Variants in GIGYF2 observed in about 807,000 individuals in gnomAD.
GIGYF2 encodes GRB10 interacting GYF protein 2.
GIGYF2 carries 25 observed loss-of-function variants against 208.1 expected under a neutral mutation model. The observed-to-expected ratio is 0.12, with a 90% CI of 0.09 to 0.17. The LOEUF (loss-of-function observed/expected upper bound fraction) is 0.17, where lower values mean the gene tolerates loss of function less well. GIGYF2 is among the 10% of genes least tolerant of loss of function. The pLI, the probability that GIGYF2 is intolerant of heterozygous loss-of-function variation, is 1.00. For missense variants in GIGYF2, 1,302 were observed against 1,579.4 expected, an observed-to-expected ratio of 0.82 and a Z score of 2.98; for synonymous variants, 534 against 543.8, an observed-to-expected ratio of 0.98 and a Z score of 0.25.
At chr2:232,850,777 G>A (rs13024330) in intron 28 of GIGYF2, among the ~76,000 whole-genome samples, 42,430 of 152,096 alleles carry the variant, frequency 0.28, 6,663 homozygotes, top group Non-Finnish European at 0.36. Flanking sequence ...TGTATTGAAA[G>A]CAGACCATTA....
Position 232,816,878 on chromosome 2 carries a change from A to G in GIGYF2, c.2216A>G (p.Gln739Arg). ...ACTCTTGTGTAATCACAGCTAGAGC[A>G]AGAGAGAAGAGAGGCAGAAATGAGG... ...LEKAKAAKLE[Q>R]ERREAEMRAK... The change falls in exon 20 of 29, where the codon CAA becomes CGA. Residue 739 changes from glutamine (Q) to arginine (R), a missense_variant. Physicochemically the swap from Gln to Arg is conservative, Grantham distance 43. Around this residue, in one of 8 missense-constraint regions of GIGYF2, gnomAD observed 701 missense variants for 793.0 expected, o/e 0.88. Coordinates refer to ENST00000373563, the MANE Select transcript of GIGYF2 (RefSeq NM_001103146.3). 6.2e-7 allele frequency: 1 copy of G among 1,612,544 alleles called. No individual in the cohort carries two copies. Among genetic ancestry groups the G allele is most frequent in the Non-Finnish European group, 8.5e-7 (1 of 1,178,552 alleles).
rs191869628 is a variant in GIGYF2, at chr2:232,818,857, G to A, written c.2371-970G>A. Among the ~76,000 whole-genome samples the A allele has an allele frequency of 1.1e-3, 171 of 152,182 alleles. 1 individual carries two copies. The highest frequency in any genetic ancestry group is 3.9e-3 in the African/African-American group (164 of 41,536). On this transcript the variant is annotated intron_variant, in intron 20 of 28. Transcript: ENST00000373563. Reference sequence around the variant, plus strand: ...ACCAATTCCCTATTGTTGGACATGAGGGTTGTTTCCAGTTCTTCATTGTTA... The same window carrying A: ...ACCAATTCCCTATTGTTGGACATGAAGGTTGTTTCCAGTTCTTCATTGTTA...
At chr2:232,744,040 C>G (rs1698061267) in intron 3 of GIGYF2, among the ~76,000 whole-genome samples, 1 of 151,956 alleles carries the variant, frequency 6.6e-6, no homozygotes, top group Non-Finnish European at 1.5e-5. Flanking sequence ...GAGACAGGAT[C>G]TCACTGTGTT....
intron 8 of GIGYF2, among the ~76,000 whole-genome samples, chr2:232,773,711 A>T (rs1699379359): frequency 6.6e-6 from 1 of 152,088 alleles, no homozygotes; most frequent in African/African-American, 2.4e-5. Flanking sequence ...ATGTGCCAGG[A>T]ATCATACCAA....
chr2:232,772,053 T>C (rs893608451), intron 8 of GIGYF2, among the ~76,000 whole-genome samples: 1 of 152,172 alleles, frequency 6.6e-6, no homozygotes, highest in African/African-American at 2.4e-5. Context: ...GGCACAATCA[T>C]AGCTCACTGC....
intron 2 of GIGYF2, among the ~76,000 whole-genome samples, chr2:232,716,630 G>A (rs2880899): frequency 0.079 from 11,951 of 151,876 alleles, 599 homozygotes; most frequent in East Asian, 0.18. Flanking sequence ...GTGATCTGCC[G>A]CCTTGGCCTC....
rs193239464 is a variant in GIGYF2 at position 232,727,015 on chromosome 2, A to C, written c.-43-8140A>C. On this transcript the variant is annotated intron_variant, in intron 2 of 28. Coordinates refer to ENST00000373563, the MANE Select transcript of GIGYF2 (RefSeq NM_001103146.3). ...AGTCTTGCTCTGTTGCCCAGGCTGG[A>C]GTGCAGTGGCACGATGTCAGCTCAC... Among the ~76,000 whole-genome samples the C allele has an allele frequency of 2.4e-3, 370 of 152,268 alleles. 1 individual carries two copies. The highest frequency in any genetic ancestry group is 3.4e-3 in the Middle Eastern group (1 of 294).
intron 6 of GIGYF2, among the ~76,000 whole-genome samples, chr2:232,758,665 T>C (rs112778774): frequency 1.3e-5 from 2 of 152,280 alleles, no homozygotes; most frequent in African/African-American, 4.8e-5. Flanking sequence ...GTGCTAGTTA[T>C]AACTGAGAAA....
intron 3 of GIGYF2, among the ~76,000 whole-genome samples, chr2:232,738,900 G>C (rs1179101774): frequency 6.6e-6 from 1 of 152,172 alleles, no homozygotes; most frequent in Admixed American, 6.5e-5. Flanking sequence ...CATCTCCTGT[G>C]TGTTTGCTCT....
intron 8 of GIGYF2, among the ~76,000 whole-genome samples, chr2:232,778,813 A>G (rs148649201): frequency 6.6e-6 from 1 of 152,302 alleles, no homozygotes; most frequent in East Asian, 1.9e-4. Context: ...TATGATGAAC[A>G]AAAGTTGTCT....
chr2:232,852,938 G>A (rs898534111), intron 28 of GIGYF2, among the ~76,000 whole-genome samples: 1 of 152,160 alleles, frequency 6.6e-6, no homozygotes, highest in African/African-American at 2.4e-5. Context: ...CTATAAGGGT[G>A]TGGGAGATAG....
At chr2:232,748,767 A>G (rs1434276037) in intron 4 of GIGYF2, among the ~76,000 whole-genome samples, 3 of 152,218 alleles carry the variant, frequency 2.0e-5, no homozygotes, top group East Asian at 1.9e-4. Flanking sequence ...AAAAGTGGCA[A>G]TCACTTGAGA....
At chr2:232,721,795 T>C (rs1183700925) in intron 2 of GIGYF2, among the ~76,000 whole-genome samples, 1 of 152,244 alleles carries the variant, frequency 6.6e-6, no homozygotes, top group East Asian at 1.9e-4. Context: ...TTGTTTTTTC[T>C]ATTTTTGTCT....
At chr2:232,773,683 A>T (rs1699377500) in intron 8 of GIGYF2, among the ~76,000 whole-genome samples, 1 of 152,036 alleles carries the variant, frequency 6.6e-6, no homozygotes, top group Non-Finnish European at 1.5e-5. Context: ...ATATTAGCTA[A>T]TATATATATT....
At chr2:232,727,903 C>T (rs72617179) in intron 2 of GIGYF2, among the ~76,000 whole-genome samples, 5,011 of 152,256 alleles carry the variant, frequency 0.033, 236 homozygotes, top group East Asian at 0.23. Flanking sequence ...TATCTGTCTC[C>T]CCAAATTCGT....
rs1390123300 is a variant in GIGYF2, at chr2:232,760,543, G to T, written c.443G>T (p.Gly148Val). The change falls in exon 7 of 29, where the codon GGT becomes GTT. Residue 148 changes from glycine to valine, a missense_variant. Coordinates refer to ENST00000373563, the MANE Select transcript of GIGYF2 (RefSeq NM_001103146.3). ...RSFDEVEGVF[G>V]RGGGREMHRS... ...TTTGATGAAGTAGAGGGTGTTTTTG[G>T]TCGAGGAGGTGGCAGAGAAATGCAT... is the stretch of plus-strand genomic sequence containing the variant. 6.2e-7 allele frequency: 1 copy of T among 1,613,620 alleles called. No individual in the cohort carries two copies. The highest frequency in any genetic ancestry group is 1.3e-5 in the African/African-American group (1 of 74,946).
chr2:232,798,098 C>T (rs1700282720), intron 14 of GIGYF2, among the ~76,000 whole-genome samples: 1 of 151,826 alleles, frequency 6.6e-6, no homozygotes. Context: ...CCTTTGTTAA[C>T]CTCTAGCAAT....
Position 232,819,960 on chromosome 2 carries a change from A to C in GIGYF2, c.2504A>C (p.Lys835Thr). Residue 835 changes from lysine (K) to threonine (T), a missense_variant, in exon 21 of 29, where the codon AAG becomes ACG. Around this residue, in one of 8 missense-constraint regions of GIGYF2, gnomAD observed 701 missense variants for 793.0 expected, o/e 0.88. Coordinates refer to ENST00000373563, the MANE Select transcript of GIGYF2 (RefSeq NM_001103146.3). ...AGAAGAGAAGAGGAAGAAAGGCGGA[A>C]GCAGGAAGAATTGTTACGCAAACAG... ...ERRREEEERRKQEELLRKQEE... is the reference protein window; with the variant it reads ...ERRREEEERRTQEELLRKQEE... The C allele has an allele frequency of 1.9e-6, 3 of 1,610,954 alleles. No homozygotes were observed. Among genetic ancestry groups the C allele is most frequent in the Non-Finnish European group, 2.5e-6 (3 of 1,177,102 alleles).
At chr2:232,815,489 G>T in intron 18 of GIGYF2, 148 bp from the exon 19 acceptor site, 1 of 691,082 alleles carries the variant, frequency 1.4e-6, no homozygotes, top group Non-Finnish European at 2.7e-6. Context: ...AGAGTCCATT[G>T]GCAGTTCAGT....
Sources: allele counts gnomAD v4.1 joint callset (sites outside exome capture counted in the v4.1 genomes callset), GRCh38; gene constraint gnomAD v4.1.1; regional missense constraint gnomAD v4.1.1; transcripts MANE v1.5; gene names NCBI Gene and HGNC (gene_info 2026-07-23, HGNC 2026-07-21).